The following SPRED1 variants were observed in gnomAD, a reference collection of about 807,000 sequenced individuals.
SPRED1 encodes sprouty-related, EVH1 domain-containing protein 1.
A neutral mutation model predicts 52.3 loss-of-function variants in SPRED1; 18 were observed. The ratio of observed to expected loss-of-function variants is 0.34; its 90% CI spans 0.24 to 0.51. The LOEUF (loss-of-function observed/expected upper bound fraction) is 0.51, where lower values mean the gene tolerates loss of function less well. Ranked by LOEUF, SPRED1 falls within the 20% of genes least tolerant of loss-of-function variation. The pLI, the probability that SPRED1 is intolerant of heterozygous loss-of-function variation, is 0.97. For synonymous variants in SPRED1, 155 were observed against 179.7 expected, an observed-to-expected ratio of 0.86 and a Z score of 1.10; for missense variants, 485 against 551.0, an observed-to-expected ratio of 0.88 and a Z score of 1.20.
chr15:38,284,905 T>G (rs993493473), intron 1 of SPRED1, among the ~76,000 whole-genome samples: 3 of 152,072 alleles, frequency 2.0e-5, no homozygotes, highest in African/African-American at 7.2e-5. Flanking sequence ...CCAGAAATTT[T>G]GATTCAAAGT....
At position 38,321,697 on chromosome 15, in the gene SPRED1, G is replaced by A. The variant is rs1212350611; in HGVS notation, c.208-544G>A. ...CAACCTCCACCTCCTGGGCTCAGAC[G>A]ATTCTCCTGCCTCAGCCTCCTGAGT... On this transcript the variant is annotated intron_variant, in intron 2 of 6. Transcript: ENST00000299084. 2.6e-5 allele frequency among the ~76,000 whole-genome samples: 4 copies of A among 152,010 alleles called. No individual in the cohort carries two copies. The South Asian group carries it at 6.2e-4, about 24-fold the overall frequency.
chr15:38,302,516 C>T (rs1025400662), intron 2 of SPRED1, among the ~76,000 whole-genome samples: 1 of 152,088 alleles, frequency 6.6e-6, no homozygotes, highest in African/African-American at 2.4e-5. Flanking sequence ...CTCATTCACT[C>T]ATTCAGTGAT....
At chr15:38,280,095 A>G (rs767744514) in intron 1 of SPRED1, among the ~76,000 whole-genome samples, 1 of 151,960 alleles carries the variant, frequency 6.6e-6, no homozygotes, top group South Asian at 2.1e-4. Context: ...TTTTCCTATA[A>G]TTTTGCCCCT....
At chr15:38,264,080 G>A (rs1316833908) in intron 1 of SPRED1, among the ~76,000 whole-genome samples, 1 of 152,178 alleles carries the variant, frequency 6.6e-6, no homozygotes, top group Non-Finnish European at 1.5e-5. Flanking sequence ...TTAAGGAATG[G>A]CATAATGGAT....
chr15:38,289,640 A>G (rs2177249), intron 1 of SPRED1, among the ~76,000 whole-genome samples: 146,038 of 152,254 alleles, frequency 0.96, 70,305 homozygotes, highest in East Asian at 1. Flanking sequence ...ATAGGACTGT[A>G]GTCAGAGAAA....
At chr15:38,285,623 C>A (rs939856995) in intron 1 of SPRED1, among the ~76,000 whole-genome samples, 2 of 152,096 alleles carry the variant, frequency 1.3e-5, no homozygotes, top group Admixed American at 1.3e-4. Context: ...TGAAGTCACA[C>A]AGATTACAAG....
At chr15:38,299,584 A>C (rs2272105) in intron 2 of SPRED1, 37 bp downstream of exon 2, 25 of 1,581,942 alleles carry the variant, frequency 1.6e-5, no homozygotes, top group Non-Finnish European at 2.1e-5. Flanking sequence ...AATTTTAGAT[A>C]ATGAATTATC....
chr15:38,356,896 G>A lies in SPRED1; in HGVS notation c.*5232G>A, dbSNP rs886051124. The A allele has an allele frequency of 6.6e-6, 1 of 152,096 alleles. No individual in the cohort carries two copies. Among genetic ancestry groups the A allele is most frequent in the Admixed American group, 6.5e-5 (1 of 15,274 alleles). 9.4% of individuals were successfully genotyped at this position (152,096 alleles called of 1,614,324 possible). On this transcript the variant is annotated 3_prime_UTR_variant, in exon 7 of 7. Transcript: ENST00000299084. ...GAATAAGTTGGATTACTATATTATA[G>A]TTTATTTGAAAAATCAAGGAGTAAC...
At position 38,339,889 on chromosome 15, in the gene SPRED1, C is replaced by T. The variant is rs1356983128; in HGVS notation, c.576C>T (p.Ala192=). 5 of 1,613,634 alleles carry T rather than the reference C, an allele frequency of 3.1e-6. No individual in the cohort carries two copies. Among genetic ancestry groups the T allele is most frequent in the Non-Finnish European group, 4.2e-6 (5 of 1,179,876 alleles). Residue 192 remains alanine, a synonymous_variant, in exon 5 of 7, where the codon GCC becomes GCT. Transcript: ENST00000299084. The part of the protein sequence containing the change: ...NARRVYMQSQ[A]NQITFGQPGL... ...GAAGAGTCTACATGCAAAGCCAAGC[C>T]AATCAGGTAAGAAGATAAAATATTT... is the stretch of plus-strand genomic sequence containing the variant.
chr15:38,295,026 C>T (rs1022761285), intron 1 of SPRED1, among the ~76,000 whole-genome samples: 3 of 152,172 alleles, frequency 2.0e-5, no homozygotes, highest in Non-Finnish European at 4.4e-5. Context: ...GTAACATTTC[C>T]TTGCACATTA....
chr15:38,289,934 T>G (rs758470500), intron 1 of SPRED1, among the ~76,000 whole-genome samples: 2 of 152,330 alleles, frequency 1.3e-5, no homozygotes, highest in Admixed American at 6.5e-5. Context: ...AATAAAAAGC[T>G]AATACATGTG....
intron 4 of SPRED1, among the ~76,000 whole-genome samples, chr15:38,336,629 G>A (rs1355313210): frequency 3.3e-5 from 5 of 151,674 alleles, no homozygotes; most frequent in African/African-American, 1.2e-4. Context: ...AATGGCATTT[G>A]CAGCAACCTG....
At chr15:38,342,431 A>G (rs1034987346) in intron 5 of SPRED1, among the ~76,000 whole-genome samples, 5 of 152,100 alleles carry the variant, frequency 3.3e-5, no homozygotes, top group African/African-American at 9.6e-5. Flanking sequence ...CAAAAATACT[A>G]TTTTAAACAG....
At chr15:38,344,366 T>C (rs1034595910) in intron 5 of SPRED1, among the ~76,000 whole-genome samples, 3 of 152,190 alleles carry the variant, frequency 2.0e-5, no homozygotes, top group African/African-American at 7.2e-5. Context: ...CTTCTTTGGC[T>C]GAAAGAACTG....
At chr15:38,276,651 A>C (rs747005163) in intron 1 of SPRED1, among the ~76,000 whole-genome samples, 4 of 152,160 alleles carry the variant, frequency 2.6e-5, no homozygotes, top group Non-Finnish European at 4.4e-5. Context: ...TCTAATTTTT[A>C]TGCTACCTAC....
intron 4 of SPRED1, among the ~76,000 whole-genome samples, chr15:38,326,673 C>G (rs1895714561): frequency 6.6e-6 from 1 of 152,048 alleles, no homozygotes; most frequent in Non-Finnish European, 1.5e-5. Flanking sequence ...TGGAGTGGAC[C>G]TCTACAAGAT....
chr15:38,269,260 A>G (rs1894378429), intron 1 of SPRED1, among the ~76,000 whole-genome samples: 1 of 149,970 alleles, frequency 6.7e-6, no homozygotes, highest in Non-Finnish European at 1.5e-5. Context: ...CTTTTTTTTA[A>G]GAGACAGTGT....
At chr15:38,258,639 A>G (rs1566846163) in intron 1 of SPRED1, among the ~76,000 whole-genome samples, 1 of 152,184 alleles carries the variant, frequency 6.6e-6, no homozygotes, top group Admixed American at 6.5e-5. Context: ...ATGTCTGTAC[A>G]GTTGTCTGAA....
At chr15:38,286,542 C>CTTTT (rs34939270) in intron 1 of SPRED1, among the ~76,000 whole-genome samples, 5 of 147,934 alleles carry the variant, frequency 3.4e-5, no homozygotes, top group East Asian at 1.9e-4. Context: ...TTACTTATGG[C>CTTTT]TTTTTTTTTT....
Sources: allele counts gnomAD v4.1 joint callset (sites outside exome capture counted in the v4.1 genomes callset), GRCh38; gene constraint gnomAD v4.1.1; transcripts MANE v1.5; gene names NCBI Gene and HGNC (gene_info 2026-07-23, HGNC 2026-07-21).